Variants in ZFAND3 observed in about 807,000 individuals in gnomAD.
ZFAND3 encodes zinc finger AN1-type containing 3.
A neutral mutation model predicts 29.6 loss-of-function variants in ZFAND3; 10 were observed. The observed-to-expected ratio is 0.34, with a 90% CI of 0.21 to 0.57. The LOEUF (loss-of-function observed/expected upper bound fraction) is 0.57, where lower values mean the gene tolerates loss of function less well. Ranked by LOEUF, ZFAND3 falls within the 20% of genes least tolerant of loss-of-function variation. The pLI is 0.86. For missense variants in ZFAND3, 230 were observed against 304.5 expected (o/e 0.76, Z 1.82); for synonymous variants, 128 against 112.6 (o/e 1.14, Z -0.87).
intron 4 of ZFAND3, among the ~76,000 whole-genome samples, chr6:38,101,772 CAAAAAAAA>C (rs57491627): frequency 0.03 from 1,263 of 42,684 alleles, 21 homozygotes; most frequent in African/African-American, 0.078. Context: ...GACTCCCTCT[CAAAAAAAA>C]AAAAAAAAAA....
chr6:38,042,763 A>T (rs969024923), intron 2 of ZFAND3, among the ~76,000 whole-genome samples: 4 of 152,198 alleles, frequency 2.6e-5, no homozygotes, highest in African/African-American at 9.7e-5. Flanking sequence ...GAATGGTTGA[A>T]CTAGGTTTAT....
At chr6:37,860,657 TA>T (rs1322185796) in intron 1 of ZFAND3, among the ~76,000 whole-genome samples, 1 of 147,866 alleles carries the variant, frequency 6.8e-6, no homozygotes, top group Non-Finnish European at 1.5e-5. Flanking sequence ...TTTTTTTTTT[TA>T]AGTAGGTTTA....
intron 5 of ZFAND3, among the ~76,000 whole-genome samples, chr6:38,126,745 A>G (rs1226515089): frequency 6.6e-6 from 1 of 152,188 alleles, no homozygotes; most frequent in African/African-American, 2.4e-5. Flanking sequence ...CATGTTTACA[A>G]AAAGATTCAC....
intron 1 of ZFAND3, among the ~76,000 whole-genome samples, chr6:37,918,612 T>C (rs547591016): frequency 4.1e-4 from 62 of 152,326 alleles, no homozygotes; most frequent in African/African-American, 1.4e-3. Context: ...TTACCATAAA[T>C]ATGGATAAAT....
At chr6:37,867,944 C>A (rs145531956) in intron 1 of ZFAND3, among the ~76,000 whole-genome samples, 1 of 152,190 alleles carries the variant, frequency 6.6e-6, no homozygotes, top group Non-Finnish European at 1.5e-5. Flanking sequence ...GGGACAATAA[C>A]TTCCTCCTTT....
chr6:38,002,414 C>T (rs1448269924), intron 2 of ZFAND3, among the ~76,000 whole-genome samples: 3 of 151,760 alleles, frequency 2.0e-5, no homozygotes, highest in African/African-American at 7.3e-5. Flanking sequence ...TATGTTGGCT[C>T]ACACCTGTAA....
At chr6:37,951,970 T>C (rs1361070600) in intron 2 of ZFAND3, among the ~76,000 whole-genome samples, 1 of 152,220 alleles carries the variant, frequency 6.6e-6, no homozygotes, top group Non-Finnish European at 1.5e-5. Flanking sequence ...TCACGTGGTT[T>C]TTCTTTTTAG....
chr6:37,984,740 A>C (rs1347983432), intron 2 of ZFAND3, among the ~76,000 whole-genome samples: 3 of 152,190 alleles, frequency 2.0e-5, no homozygotes, highest in South Asian at 2.1e-4. Context: ...AGAGTGAGCT[A>C]CTCGTCTAGA....
At chr6:37,974,939 A>G (rs931455635) in intron 2 of ZFAND3, among the ~76,000 whole-genome samples, 2 of 152,144 alleles carry the variant, frequency 1.3e-5, no homozygotes, top group Admixed American at 6.5e-5. Flanking sequence ...GTGTGCCACT[A>G]TGTCTGGCTA....
chr6:38,133,301 C>T (rs983934779), intron 5 of ZFAND3, among the ~76,000 whole-genome samples: 14 of 152,142 alleles, frequency 9.2e-5, no homozygotes, highest in African/African-American at 2.7e-4. Context: ...GCCTGGCGTG[C>T]GGTGACACAT....
At chr6:37,952,791 T>G (rs1239389834) in intron 2 of ZFAND3, among the ~76,000 whole-genome samples, 1 of 151,834 alleles carries the variant, frequency 6.6e-6, no homozygotes, top group Non-Finnish European at 1.5e-5. Flanking sequence ...AGCAGCCCCA[T>G]GCAGGGTTCC....
intron 1 of ZFAND3, among the ~76,000 whole-genome samples, chr6:37,844,483 A>G (rs1051258065): frequency 1.3e-5 from 2 of 149,278 alleles, no homozygotes; most frequent in Admixed American, 6.7e-5. Context: ...GGGTTTCACC[A>G]TGTTAGCCAG....
At chr6:38,082,225 T>G (rs777246556) in intron 3 of ZFAND3, among the ~76,000 whole-genome samples, 167 bp from the exon 4 acceptor site, 12 of 151,050 alleles carry the variant, frequency 7.9e-5, no homozygotes, top group Non-Finnish European at 1.8e-4. Context: ...TGAACTAAAA[T>G]TAGGTCCTTA....
At chr6:38,071,431 G>A (rs903976894) in intron 3 of ZFAND3, among the ~76,000 whole-genome samples, 1 of 151,626 alleles carries the variant, frequency 6.6e-6, no homozygotes, top group Non-Finnish European at 1.5e-5. Context: ...TTTTTCCCAA[G>A]TGGATAACCA....
intron 1 of ZFAND3, among the ~76,000 whole-genome samples, chr6:37,857,327 A>C (rs925239180): frequency 6.6e-6 from 1 of 152,224 alleles, no homozygotes; most frequent in African/African-American, 2.4e-5. Context: ...GAAACATATA[A>C]CATGATAAAT....
chr6:38,075,566 T>C (rs563039775), intron 3 of ZFAND3, among the ~76,000 whole-genome samples: 1 of 152,352 alleles, frequency 6.6e-6, no homozygotes, highest in Admixed American at 6.5e-5. Flanking sequence ...GTGAAGATAC[T>C]GTGAACATTA....
At chr6:37,912,677 G>A (rs893922221) in intron 1 of ZFAND3, among the ~76,000 whole-genome samples, 7 of 152,138 alleles carry the variant, frequency 4.6e-5, no homozygotes, top group African/African-American at 1.7e-4. Context: ...AAATTACAGG[G>A]CTTCACTGTA....
intron 2 of ZFAND3, among the ~76,000 whole-genome samples, chr6:38,020,704 C>T (rs1355980001): frequency 2.6e-5 from 4 of 152,186 alleles, no homozygotes; most frequent in Non-Finnish European, 5.9e-5. Flanking sequence ...TGTGGATCTT[C>T]TCACCAAATG....
chr6:38,148,269 A>G (rs1201524203), intron 5 of ZFAND3, among the ~76,000 whole-genome samples: 2 of 152,150 alleles, frequency 1.3e-5, no homozygotes, highest in Non-Finnish European at 1.5e-5. Context: ...GCCGGCTGTG[A>G]ATATATGGCT....
Sources: allele counts gnomAD v4.1 joint callset (sites outside exome capture counted in the v4.1 genomes callset), GRCh38; gene constraint gnomAD v4.1.1; transcripts MANE v1.5; gene names NCBI Gene and HGNC (gene_info 2026-07-23, HGNC 2026-07-21).